MYO16: variants seen among roughly 807,000 people sequenced by gnomAD.
The protein encoded by MYO16 is unconventional myosin-XVI.
Under a neutral mutation model 205.3 loss-of-function variants are expected in MYO16, and 94 were observed. The observed-to-expected ratio is 0.46, with a 90% CI of 0.39 to 0.54. MYO16 has a LOEUF of 0.54. Among genes scored for constraint, MYO16 ranks in the 20% least tolerant of loss-of-function variants. MYO16 has a pLI of 0.00. For missense variants in MYO16, 2,315 were observed against 2,387.5 expected, an observed-to-expected ratio of 0.97 and a Z score of 0.63; for synonymous variants, 988 against 954.0, an observed-to-expected ratio of 1.04 and a Z score of -0.66.
chr13:109,097,229 T>C (rs971248488), intron 27 of MYO16, among the ~76,000 whole-genome samples: 4 of 152,182 alleles, frequency 2.6e-5, no homozygotes. Context: ...CTCAGGAGGC[T>C]GAGGCAGGAA....
chr13:108,960,612 C>T lies in MYO16; in HGVS notation c.2038-927C>T, dbSNP rs1013427441. The stretch of plus-strand genomic sequence containing the variant: ...AGCACATCAGCATTGTTCTTAGAAC[C>T]GCTTCCACAGTAGTTAGGGAAGGAG... On this transcript the variant is annotated intron_variant, in intron 17 of 34. Coordinates refer to ENST00000457511, the MANE Select transcript of MYO16 (RefSeq NM_001198950.3). Among the ~76,000 whole-genome samples, 6 of 152,096 alleles carry T rather than the reference C, an allele frequency of 3.9e-5. No individual in the cohort carries two copies. The South Asian group carries it at 1.0e-3, about 26-fold the overall frequency.
intron 1 of MYO16, among the ~76,000 whole-genome samples, chr13:108,612,626 A>T (rs991484213): frequency 8.5e-5 from 13 of 152,164 alleles, no homozygotes; most frequent in African/African-American, 3.1e-4. Context: ...AATGGACTAT[A>T]AAGTGACAGG....
At chr13:108,659,468 G>A in intron 1 of MYO16, 1 of 294,784 alleles carries the variant, frequency 3.4e-6, no homozygotes, top group Non-Finnish European at 6.7e-6. Context: ...ACTTTTATCT[G>A]GAATTGCAGG....
intron 21 of MYO16, among the ~76,000 whole-genome samples, chr13:108,997,579 C>T (rs1164167365): frequency 6.6e-6 from 1 of 152,124 alleles, no homozygotes; most frequent in Non-Finnish European, 1.5e-5. Flanking sequence ...TGGCTCACAC[C>T]TGTAATCCCA....
Position 109,140,227 on chromosome 13 carries a change from G to C in MYO16, c.4052-37G>C, listed in dbSNP as rs1184012571. On this transcript the variant is annotated intron_variant, in intron 31 of 34. Coordinates refer to ENST00000457511, the MANE Select transcript of MYO16 (RefSeq NM_001198950.3). The surrounding 1 kb of genome is among the most constrained non-coding windows in gnomAD (Gnocchi z 8.0). ...GGCTTGGTGGGCACCCGTGGGCCTGGCCTGGCACCCACTGACCGCGTCCTT... is the reference window on the plus strand; with the variant it reads ...GGCTTGGTGGGCACCCGTGGGCCTGCCCTGGCACCCACTGACCGCGTCCTT... 6.3e-7 allele frequency: 1 copy of C among 1,593,808 alleles called. No individual in the cohort carries two copies. The highest frequency in any genetic ancestry group is 8.5e-7 in the Non-Finnish European group (1 of 1,177,042).
At chr13:109,012,845 T>C (rs2139492180) in intron 22 of MYO16, among the ~76,000 whole-genome samples, 1 of 151,898 alleles carries the variant, frequency 6.6e-6, no homozygotes, top group South Asian at 2.1e-4. Context: ...ACTGTCAGAC[T>C]TCTAATTTAA....
chr13:109,102,078 G>A (rs1888985336), intron 28 of MYO16, among the ~76,000 whole-genome samples: 1 of 151,816 alleles, frequency 6.6e-6, no homozygotes, highest in South Asian at 2.1e-4. Flanking sequence ...CTTTTTCTTT[G>A]TTATCTTTTT....
At chr13:108,998,894 G>A (rs1885124441) in intron 21 of MYO16, among the ~76,000 whole-genome samples, 1 of 152,176 alleles carries the variant, frequency 6.6e-6, no homozygotes, top group Admixed American at 6.5e-5. Context: ...TTTTTCTAGA[G>A]TGGCTTCCCC....
At chr13:108,595,073 A>G (rs566508406), upstream of MYO16, among the ~76,000 whole-genome samples, 16 of 152,300 alleles carry the variant, frequency 1.1e-4, no homozygotes, top group Admixed American at 9.8e-4. Flanking sequence ...CAGTCTACAT[A>G]CTGCATGGGT....
At chr13:109,132,635 G>A (rs979375359) in intron 31 of MYO16, among the ~76,000 whole-genome samples, 10 of 152,204 alleles carry the variant, frequency 6.6e-5, no homozygotes, top group African/African-American at 2.2e-4. Flanking sequence ...AAGTACCCTT[G>A]AAATGTGTCA....
chr13:108,856,528 T>C (rs2139103360), intron 11 of MYO16, among the ~76,000 whole-genome samples: 1 of 152,342 alleles, frequency 6.6e-6, no homozygotes, highest in South Asian at 2.1e-4. Context: ...ATCATGTCAT[T>C]GGCATAAAGT....
intron 16 of MYO16, among the ~76,000 whole-genome samples, chr13:108,945,998 C>T (rs1882925063): frequency 1.3e-5 from 2 of 152,088 alleles, no homozygotes; most frequent in African/African-American, 4.8e-5. Context: ...CTGGAAGGTG[C>T]GTCTGTGTGC....
chr13:108,861,029 G>A (rs1449024858), intron 11 of MYO16, among the ~76,000 whole-genome samples: 1 of 151,812 alleles, frequency 6.6e-6, no homozygotes, highest in African/African-American at 2.4e-5. Context: ...TATTTACTTG[G>A]GTATAGAATA....
intron 32 of MYO16, among the ~76,000 whole-genome samples, chr13:109,154,911 G>GAAAAAAAAAAAAAAA (rs59465499): frequency 1.6e-4 from 10 of 62,680 alleles, no homozygotes; most frequent in Admixed American, 4.0e-4. Context: ...GGCTAATTAT[G>GAAAAAAAAAAAAAAA]AAAAAAAAAA....
intron 29 of MYO16, among the ~76,000 whole-genome samples, chr13:109,124,262 CTGTG>C (rs1308672118): frequency 6.6e-6 from 1 of 152,194 alleles, no homozygotes; most frequent in Non-Finnish European, 1.5e-5. Flanking sequence ...GAGATTATGT[CTGTG>C]TAACTGCAGG....
At chr13:108,890,716 T>G (rs1000747474) in intron 14 of MYO16, among the ~76,000 whole-genome samples, 2 of 152,218 alleles carry the variant, frequency 1.3e-5, no homozygotes, top group Non-Finnish European at 2.9e-5. Flanking sequence ...TGAACTGCCA[T>G]CAGCCTGTAT....
intron 6 of MYO16, among the ~76,000 whole-genome samples, chr13:108,796,835 T>A (rs1886806728): frequency 6.7e-6 from 1 of 149,474 alleles, no homozygotes; most frequent in Non-Finnish European, 1.5e-5. Context: ...AGTTAATGGG[T>A]GCAGCACACC....
chr13:108,826,509 G>A (rs1456057500), intron 9 of MYO16, among the ~76,000 whole-genome samples: 7 of 151,886 alleles, frequency 4.6e-5, no homozygotes, highest in Non-Finnish European at 1.0e-4. Flanking sequence ...ATGAGGCAAT[G>A]GTTTCTTAGA....
At chr13:108,842,479 A>T (rs1170057860) in intron 9 of MYO16, among the ~76,000 whole-genome samples, 2 of 152,158 alleles carry the variant, frequency 1.3e-5, no homozygotes, top group Non-Finnish European at 2.9e-5. Context: ...TCCAAAGAAG[A>T]TATACAATTT....
Sources: gnomAD v4.1 joint callset for allele counts (sites outside exome capture counted in the v4.1 genomes callset) on GRCh38, gnomAD v4.1.1 for gene constraint, Gnocchi (gnomAD v3.1) non-coding constraint, MANE v1.5 for transcripts, NCBI Gene and HGNC (gene_info 2026-07-23, HGNC 2026-07-21) for gene names.